IL1RAPL1: variants seen among roughly 807,000 people sequenced by gnomAD.
IL1RAPL1 encodes the protein interleukin-1 receptor accessory protein-like 1.
Under a neutral mutation model 48.4 loss-of-function variants are expected in IL1RAPL1, and 3 were observed. The ratio of observed to expected loss-of-function variants is 0.06; its 90% CI spans 0.03 to 0.16. The LOEUF (loss-of-function observed/expected upper bound fraction) is 0.16. Among genes scored for constraint, IL1RAPL1 ranks in the 10% least tolerant of loss-of-function variants. IL1RAPL1 has a pLI of 1.00. For missense variants in IL1RAPL1, 349 were observed against 530.6 expected (o/e 0.66, Z 3.36); for synonymous variants, 185 against 187.7 (o/e 0.99, Z 0.12).
intron 1 of IL1RAPL1, among the ~76,000 whole-genome samples, chrX:28,649,485 TC>T (rs1344643901): frequency 8.9e-6 from 1 of 112,602 alleles, no homozygotes; most frequent in Non-Finnish European, 1.9e-5. Flanking sequence ...TAAGATCCTT[TC>T]CTGTAAGGTT....
At chrX:29,648,180 G>C (rs1350002699) in intron 5 of IL1RAPL1, among the ~76,000 whole-genome samples, 1 of 109,651 alleles carries the variant, frequency 9.1e-6, no homozygotes, top group African/African-American at 3.3e-5. Context: ...AGGAGAGAAA[G>C]ACTGCAATAC....
At chrX:29,517,547 A>AT (rs941336591) in intron 5 of IL1RAPL1, among the ~76,000 whole-genome samples, 4 of 111,656 alleles carry the variant, frequency 3.6e-5, no homozygotes, top group African/African-American at 1.3e-4. Flanking sequence ...CTGAGACTTT[A>AT]TTCAGTGATA....
chrX:29,007,998 T>C (rs1055894197), intron 2 of IL1RAPL1, among the ~76,000 whole-genome samples: 1 of 111,515 alleles, frequency 9.0e-6, no homozygotes, highest in Non-Finnish European at 1.9e-5. Flanking sequence ...TTAAATGTAC[T>C]TTTTTAGTAT....
At chrX:29,703,396 G>A (rs1158526346) in intron 6 of IL1RAPL1, among the ~76,000 whole-genome samples, 1 of 110,533 alleles carries the variant, frequency 9.0e-6, no homozygotes, top group Non-Finnish European at 1.9e-5. Context: ...AGGCCAGAGT[G>A]CGGTGGCGTG....
chrX:28,693,479 G>T (rs746269628), intron 1 of IL1RAPL1, among the ~76,000 whole-genome samples: 1 of 111,770 alleles, frequency 8.9e-6, no homozygotes, highest in Non-Finnish European at 1.9e-5. Flanking sequence ...AAATTGCCAG[G>T]GTTAAATTGT....
intron 5 of IL1RAPL1, among the ~76,000 whole-genome samples, chrX:29,418,005 C>A (rs1377070349): frequency 9.6e-6 from 1 of 103,843 alleles, no homozygotes; most frequent in Non-Finnish European, 1.9e-5. Context: ...AAAGCACACA[C>A]TGAGCTTTTA....
chrX:29,779,382 C>G (rs770567850), intron 6 of IL1RAPL1, among the ~76,000 whole-genome samples: 6 of 111,129 alleles, frequency 5.4e-5, no homozygotes, highest in Non-Finnish European at 1.1e-4. Context: ...CAGACCCATG[C>G]TCTTTAAAAG....
chrX:29,378,793 C>T (rs1357959730), intron 3 of IL1RAPL1, among the ~76,000 whole-genome samples: 2 of 112,186 alleles, frequency 1.8e-5, no homozygotes, highest in South Asian at 3.7e-4. Context: ...GAAGAGATGA[C>T]CTCCTCACCA....
chrX:29,234,129 C>A (rs1276555730), intron 2 of IL1RAPL1, among the ~76,000 whole-genome samples: 3 of 111,856 alleles, frequency 2.7e-5, no homozygotes, highest in Non-Finnish European at 5.6e-5. Flanking sequence ...AGCAGGGGAC[C>A]CAGTTAAACC....
At chrX:29,122,210 T>A (rs1364925815) in intron 2 of IL1RAPL1, among the ~76,000 whole-genome samples, 3 of 111,290 alleles carry the variant, frequency 2.7e-5, no homozygotes, top group African/African-American at 9.8e-5. Flanking sequence ...CATATGGGTC[T>A]TTGATTATCG....
intron 2 of IL1RAPL1, among the ~76,000 whole-genome samples, chrX:28,951,667 T>C (rs1317476027): frequency 1.8e-5 from 2 of 111,271 alleles, no homozygotes; most frequent in South Asian, 3.7e-4. Context: ...GTTTCTACTT[T>C]TATTTTATCA....
In IL1RAPL1 at chrX:29,562,091, G is replaced by A. The variant is rs5971578; in HGVS notation, c.704-106339G>A. 2.3e-3 allele frequency among the ~76,000 whole-genome samples: 199 copies of A among 86,154 alleles called. 1 individual carries two copies. Among genetic ancestry groups the A allele is most frequent in the Non-Finnish European group, 3.0e-3 (133 of 44,050 alleles). The allele number at this position is 86,154 out of a possible 115,157, so 74.8% of individuals were successfully genotyped here. On this transcript the variant is annotated intron_variant, in intron 5 of 10. Transcript: ENST00000378993. The stretch of plus-strand genomic sequence containing the variant: ...ATCTATCTATCTATCTAATCTATCT[G>A]TCTATCTATCTATCTATCTATCTAA...
intron 6 of IL1RAPL1, among the ~76,000 whole-genome samples, chrX:29,736,995 G>A (rs1194520811): frequency 1.8e-5 from 2 of 111,747 alleles, no homozygotes; most frequent in East Asian, 5.6e-4. Context: ...AACCACCAGT[G>A]TAATCTCTTC....
chrX:28,919,009 G>A (rs771982954), intron 2 of IL1RAPL1, among the ~76,000 whole-genome samples: 10 of 111,511 alleles, frequency 9.0e-5, no homozygotes, highest in Admixed American at 4.8e-4. Flanking sequence ...AGACAAGAGT[G>A]TCTGTGAGGC....
At chrX:28,728,535 G>A (rs748171083) in intron 1 of IL1RAPL1, among the ~76,000 whole-genome samples, 38 of 111,318 alleles carry the variant, frequency 3.4e-4, no homozygotes, top group Admixed American at 1.5e-3. Context: ...AGGAAAGATC[G>A]TTCTATCTTC....
intron 2 of IL1RAPL1, among the ~76,000 whole-genome samples, chrX:28,800,135 G>C (rs1212040289): frequency 9.0e-6 from 1 of 111,585 alleles, no homozygotes; most frequent in African/African-American, 3.3e-5. Flanking sequence ...CCTTCTGGTG[G>C]CTTCAGTTTT....
intron 6 of IL1RAPL1, among the ~76,000 whole-genome samples, chrX:29,916,199 G>A (rs924405223): frequency 9.6e-5 from 10 of 104,119 alleles, no homozygotes; most frequent in Admixed American, 6.4e-4. Context: ...GAATAATGCC[G>A]CAATAAACAT....
intron 2 of IL1RAPL1, among the ~76,000 whole-genome samples, chrX:29,239,910 A>AT (rs1931374940): frequency 9.2e-6 from 1 of 108,561 alleles, no homozygotes; most frequent in African/African-American, 3.4e-5. Flanking sequence ...GTAACATTGC[A>AT]TTTTTCTCAT....
intron 6 of IL1RAPL1, among the ~76,000 whole-genome samples, chrX:29,913,867 A>G (rs1932778376): frequency 9.0e-6 from 1 of 111,146 alleles, no homozygotes. Flanking sequence ...ATCAGGGTCC[A>G]TTCGTCTCCT....
Sources: gnomAD v4.1 joint callset for allele counts (sites outside exome capture counted in the v4.1 genomes callset) on GRCh38, gnomAD v4.1.1 for gene constraint, MANE v1.5 for transcripts, NCBI Gene and HGNC (gene_info 2026-07-23, HGNC 2026-07-21) for gene names.